The following NRG1 variants were observed in gnomAD, a reference collection of about 807,000 sequenced individuals.
NRG1 encodes pro-neuregulin-1, membrane-bound isoform.
A neutral mutation model predicts 63.8 loss-of-function variants in NRG1; 18 were observed. The ratio of observed to expected loss-of-function variants is 0.28; its 90% CI spans 0.19 to 0.42. The LOEUF (loss-of-function observed/expected upper bound fraction) is 0.42, where lower values mean the gene tolerates loss of function less well. NRG1 is among the 10% of genes least tolerant of loss of function. The pLI is 1.00. For synonymous variants in NRG1, 302 were observed against 301.3 expected (o/e 1.00, Z -0.02); for missense variants, 762 against 814.7 (o/e 0.94, Z 0.79).
chr8:31,939,533 C>T (rs1476501668), intron 1 of NRG1, among the ~76,000 whole-genome samples: 5 of 150,060 alleles, frequency 3.3e-5, no homozygotes, highest in Non-Finnish European at 7.4e-5. Flanking sequence ...ATTCAGGCAA[C>T]AAATAGCATG....
chr8:32,479,359 C>G (rs1327440030), intron 1 of NRG1, among the ~76,000 whole-genome samples: 2 of 152,004 alleles, frequency 1.3e-5, no homozygotes, highest in Non-Finnish European at 2.9e-5. Context: ...TGCCTGTAAT[C>G]CCAGCTAGTC....
chr8:32,280,616 G>A (rs1483269745), intron 1 of NRG1, among the ~76,000 whole-genome samples: 2 of 149,420 alleles, frequency 1.3e-5, no homozygotes, highest in East Asian at 4.1e-4. Context: ...TCAGTATGTG[G>A]TGAAAAATTC....
rs746545602 is a variant in NRG1 at position 32,595,816 on chromosome 8, T to A, written c.101-12T>A. 6.2e-7 allele frequency: 1 copy of A among 1,600,530 alleles called. No individual in the cohort carries two copies. The highest frequency in any genetic ancestry group is 8.5e-7 in the Non-Finnish European group (1 of 1,175,790). On this transcript the variant is annotated splice_polypyrimidine_tract_variant and intron_variant, in intron 1 of 11. Transcript: ENST00000356819. ...GATCAGAGTTGTTTTTCATTCTCTT[T>A]TCTTCTTTTAGCCTTGCCTCCCCGA... is the stretch of plus-strand genomic sequence containing the variant.
At chr8:32,758,272 C>CTGAT (rs1457307283) in intron 9 of NRG1, among the ~76,000 whole-genome samples, 2 of 151,974 alleles carry the variant, frequency 1.3e-5, no homozygotes, top group African/African-American at 4.8e-5. Context: ...CTGTGGTTTG[C>CTGAT]TGATAAAAAT....
At chr8:32,614,275 T>C (rs1250483641) in intron 3 of NRG1, 8 of 376,926 alleles carry the variant, frequency 2.1e-5, no homozygotes, top group Non-Finnish European at 3.4e-5. Context: ...AGGCAGTGAA[T>C]GCTTCCTAAT....
At position 31,750,381 on chromosome 8, in the gene NRG1, A is replaced by G. The variant is rs577690050; in HGVS notation, c.37+110950A>G. 4.6e-5 allele frequency among the ~76,000 whole-genome samples: 7 copies of G among 152,050 alleles called. No homozygotes were observed. In the South Asian group the frequency reaches 1.0e-3, roughly 22 times the overall value. On this transcript the variant is annotated intron_variant, in intron 1 of 10. Transcript: ENST00000519301. ...CACATATGCATGTAAATGTTTTTAT[A>G]GTACACATACACAAATGCAAAACTG...
At chr8:32,442,377 C>G (rs923569006) in intron 1 of NRG1, 1 of 152,226 alleles carries the variant, frequency 6.6e-6, no homozygotes, top group Non-Finnish European at 1.5e-5. Flanking sequence ...CCCTCTGGCT[C>G]TTTGGCACTT....
chr8:31,869,815 A>G (rs1321045040), intron 1 of NRG1, among the ~76,000 whole-genome samples: 6 of 152,222 alleles, frequency 3.9e-5, no homozygotes, highest in Admixed American at 3.9e-4. Context: ...TGAAATCTAA[A>G]TGCCTTTCAG....
chr8:31,999,246 A>G (rs993559780), intron 1 of NRG1, among the ~76,000 whole-genome samples: 5 of 151,994 alleles, frequency 3.3e-5, no homozygotes, highest in African/African-American at 1.2e-4. Context: ...CATATTTAAT[A>G]TGTTTAAATT....
chr8:32,559,385 A>G (rs1283789121), intron 1 of NRG1, among the ~76,000 whole-genome samples: 2 of 152,104 alleles, frequency 1.3e-5, no homozygotes, highest in Admixed American at 6.6e-5. Context: ...ATTTTATGGT[A>G]CATTTGTAAC....
intron 1 of NRG1, among the ~76,000 whole-genome samples, chr8:31,792,902 T>G (rs1820852898): frequency 6.6e-6 from 1 of 152,248 alleles, no homozygotes; most frequent in Non-Finnish European, 1.5e-5. Flanking sequence ...AAATGATGCC[T>G]AATGTTGAGC....
At chr8:32,648,434 G>T in intron 5 of NRG1, 1 of 1,580,558 alleles carries the variant, frequency 6.3e-7, no homozygotes, top group Non-Finnish European at 8.6e-7. Context: ...TAAAAGGGGT[G>T]GGTTTGAGGT....
At chr8:32,397,578 C>A (rs1180782731) in intron 1 of NRG1, among the ~76,000 whole-genome samples, 1 of 150,570 alleles carries the variant, frequency 6.6e-6, no homozygotes, top group African/African-American at 2.4e-5. Flanking sequence ...TAAATGAGAG[C>A]ACATTTTCCT....
chr8:32,398,941 A>G (rs1319911556), intron 1 of NRG1, among the ~76,000 whole-genome samples: 1 of 152,180 alleles, frequency 6.6e-6, no homozygotes, highest in Non-Finnish European at 1.5e-5. Flanking sequence ...TTGAGATTAT[A>G]TATATTGCAA....
At chr8:32,009,840 CA>C (rs1441928077) in intron 1 of NRG1, among the ~76,000 whole-genome samples, 1 of 152,006 alleles carries the variant, frequency 6.6e-6, no homozygotes, top group East Asian at 1.9e-4. Flanking sequence ...TTTTGAGGGA[CA>C]ATGACTGCTC....
At chr8:32,528,502 T>G (rs778470422) in intron 1 of NRG1, among the ~76,000 whole-genome samples, 1 of 152,242 alleles carries the variant, frequency 6.6e-6, no homozygotes, top group Non-Finnish European at 1.5e-5. Flanking sequence ...CATATATGTA[T>G]AACAGAAGTT....
chr8:32,414,762 G>C (rs931199269), intron 1 of NRG1, among the ~76,000 whole-genome samples: 4 of 152,110 alleles, frequency 2.6e-5, no homozygotes, highest in Non-Finnish European at 4.4e-5. Context: ...ATTAATATTA[G>C]AGTTCGACAA....
At chr8:31,970,217 C>G (rs1428289891) in intron 1 of NRG1, among the ~76,000 whole-genome samples, 1 of 152,048 alleles carries the variant, frequency 6.6e-6, no homozygotes, top group East Asian at 1.9e-4. Context: ...ACTAACTTCT[C>G]AGTAAATTCA....
chr8:31,859,466 A>G (rs141846651), intron 1 of NRG1, among the ~76,000 whole-genome samples: 1 of 152,298 alleles, frequency 6.6e-6, no homozygotes, highest in African/African-American at 2.4e-5. Flanking sequence ...TTCGTAAACC[A>G]TCGTCCCCTG....
Sources: gnomAD v4.1 joint callset for allele counts (sites outside exome capture counted in the v4.1 genomes callset) on GRCh38, gnomAD v4.1.1 for gene constraint, MANE v1.5 for transcripts, NCBI Gene and HGNC (gene_info 2026-07-23, HGNC 2026-07-21) for gene names.